The following URB2 variants were observed in gnomAD, a reference collection of about 807,000 sequenced individuals.
URB2 encodes the protein unhealthy ribosome biogenesis protein 2 homolog.
Under a neutral mutation model 120.9 loss-of-function variants are expected in URB2, and 86 were observed. The observed-to-expected ratio is 0.71, with a 90% confidence interval of 0.60 to 0.85. URB2 has a LOEUF of 0.85. URB2 is among the 40% of genes least tolerant of loss of function. The pLI, the probability that URB2 is intolerant of heterozygous loss-of-function variation, is 0.00. For missense variants in URB2, 1,765 were observed against 1,836.5 expected (o/e 0.96, Z 0.71); for synonymous variants, 755 against 758.4 (o/e 1.00, Z 0.07).
At chr1:229,652,339 C>T (rs1004076838) in intron 8 of URB2, among the ~76,000 whole-genome samples, 3 of 152,174 alleles carry the variant, frequency 2.0e-5, no homozygotes, top group Middle Eastern at 3.2e-3. Flanking sequence ...TAACTCAACT[C>T]GGGGTGTCAG....
In URB2 at chr1:229,634,998, A is replaced by G; in HGVS notation, c.385A>G (p.Ile129Val). Residue 129 changes from isoleucine to valine, a missense_variant, in exon 4 of 10, where the codon ATC becomes GTC. Ile to Val is a conservative substitution (Grantham distance 29). Transcript: ENST00000258243. ...TGCTGTCCTTCGATGTTGCCAGGGC[A>G]TCCTGTCGACACCTGCCCTGGCTGT... ...ICAVLRCCQG[I>V]LSTPALAVIY... 1 of 1,609,140 alleles carries G rather than the reference A, an allele frequency of 6.2e-7. No individual in the cohort carries two copies. Among genetic ancestry groups the G allele is most frequent in the Non-Finnish European group, 8.5e-7 (1 of 1,176,726 alleles).
intron 1 of URB2, among the ~76,000 whole-genome samples, chr1:229,627,286 A>G (rs1282945876): frequency 6.6e-6 from 1 of 152,216 alleles, no homozygotes; most frequent in Admixed American, 6.5e-5. Context: ...GACTCTTTCC[A>G]CAAGTAATGT....
At chr1:229,643,475 A>C (rs1666061050) in intron 4 of URB2, 58 bp from the exon 5 acceptor site, 1 of 1,598,314 alleles carries the variant, frequency 6.3e-7, no homozygotes, top group East Asian at 2.2e-5. Flanking sequence ...TCCTATGGCT[A>C]CTTGGTAGTT....
rs970619337 is a variant in URB2 at position 229,635,930 on chromosome 1, G to C, written c.1317G>C (p.Glu439Asp). 1 of 1,614,216 alleles carries C rather than the reference G, an allele frequency of 6.2e-7. No individual in the cohort carries two copies. The highest frequency in any genetic ancestry group is 1.3e-5 in the African/African-American group (1 of 75,064). ...TGGCTTCAGCGTGGATCGATGCCGA[G>C]GTAACAGAGTTTCGAACCAAAAAAG... ...DLLASAWIDA[E>D]VTEFRTKKAQ... is the part of the protein sequence containing the mutation. The change falls in exon 4 of 10, where the codon GAG (glutamate) becomes GAC (aspartate). Residue 439 changes from glutamate (E) to aspartate (D), a missense_variant. Physicochemically the swap from Glu to Asp is conservative, Grantham distance 45. Coordinates refer to ENST00000258243, the MANE Select transcript of URB2 (RefSeq NM_014777.4).
rs1261975052 is a variant in URB2 at position 229,659,781 on chromosome 1, T to G, written c.*484T>G. On this transcript the variant is annotated 3_prime_UTR_variant, in exon 10 of 10. Coordinates refer to ENST00000258243, the MANE Select transcript of URB2 (RefSeq NM_014777.4). ...TTTTCTGCCTTCCCTCTAAGTATGCTTTCTGAAGAAGTCAGGGAAAGTTAG... is the reference window on the plus strand; with the variant it reads ...TTTTCTGCCTTCCCTCTAAGTATGCGTTCTGAAGAAGTCAGGGAAAGTTAG... 1.9e-5 allele frequency: 3 copies of G among 153,940 alleles called. No homozygotes were observed. Among genetic ancestry groups the G allele is most frequent in the Non-Finnish European group, 4.3e-5 (3 of 69,128 alleles). 9.5% of individuals were successfully genotyped at this position (153,940 alleles called of 1,614,324 possible). A position where few individuals can be genotyped will look rare whatever the true frequency, so the allele number is the denominator to read the frequency against.
Position 229,654,293 on chromosome 1 carries a change from G to T in URB2, c.4282G>T (p.Val1428Phe). 1 of 1,614,174 alleles carries T rather than the reference G, an allele frequency of 6.2e-7. No homozygotes were observed. The highest frequency in any genetic ancestry group is 1.1e-5 in the South Asian group (1 of 91,080). The change falls in exon 9 of 10, where the codon GTT becomes TTT. Residue 1428 changes from valine (V) to phenylalanine (F), a missense_variant. By Grantham distance (50) the Val-to-Phe change is conservative. Coordinates refer to ENST00000258243, the MANE Select transcript of URB2 (RefSeq NM_014777.4). ...TACGGTCCTAAAGTGTGCACGCCTG[G>T]TTGAAAGAATGTACAGCCACATCGC... is the stretch of plus-strand genomic sequence containing the variant. ...LPTVLKCARL[V>F]ERMYSHIAAR... is the part of the protein sequence containing the mutation.
chr1:229,656,176 T>G (rs1191602901), intron 9 of URB2, among the ~76,000 whole-genome samples: 3 of 152,206 alleles, frequency 2.0e-5, no homozygotes, highest in Non-Finnish European at 4.4e-5. Context: ...TCTTAGTATT[T>G]CCCAAGCACA....
intron 5 of URB2, 132 bp downstream of exon 5, chr1:229,643,825 G>A (rs1666071022): frequency 3.9e-6 from 5 of 1,268,624 alleles, no homozygotes; most frequent in Non-Finnish European, 3.2e-6. Context: ...AGGCAAAGGG[G>A]GAGGCTGTGA....
rs1666127198 is a variant in URB2 at position 229,645,752 on chromosome 1, A to G, written c.3796-107A>G. 9.5e-6 allele frequency: 9 copies of G among 950,142 alleles called. No individual in the cohort carries two copies. In the South Asian group the frequency reaches 1.0e-4, roughly 11 times the overall value. 58.9% of individuals were successfully genotyped at this position (950,142 alleles called of 1,614,324 possible). On this transcript the variant is annotated intron_variant, in intron 5 of 9. Transcript: ENST00000258243. The stretch of plus-strand genomic sequence containing the variant: ...CACCTCCCCTGACACCAGGGCTCTC[A>G]ATCCACTCCAACGCCACAGCCCCAG...
At position 229,642,196 on chromosome 1, in the gene URB2, A is replaced by G. The variant is rs543451986; in HGVS notation, c.3635-1337A>G. Among the ~76,000 whole-genome samples the G allele has an allele frequency of 2.6e-5, 4 of 152,324 alleles. No homozygotes were observed. In the East Asian group the frequency reaches 7.7e-4, roughly 29 times the overall value. ...CGATGGGACTCGGTGGAGAGGCCAC[A>G]TACAGGCCACGTGTGAGTGGCCCTT... On this transcript the variant is annotated intron_variant, in intron 4 of 9. Transcript: ENST00000258243.
Position 229,634,062 on chromosome 1 carries a change from C to T in URB2, c.304-855C>T, listed in dbSNP as rs191023983. Among the ~76,000 whole-genome samples, 279 of 152,194 alleles carry T rather than the reference C, an allele frequency of 1.8e-3. 1 individual carries two copies. Among genetic ancestry groups the T allele is most frequent in the African/African-American group, 6.0e-3 (250 of 41,516 alleles). On this transcript the variant is annotated intron_variant, in intron 3 of 9. Coordinates refer to ENST00000258243, the MANE Select transcript of URB2 (RefSeq NM_014777.4). ...GACCAGGCTGTTCTCGAACGCCTGG[C>T]CTCAAGTGATCCGCCCCGACTCAGC...
chr1:229,649,322 AG>A (rs1339853042), intron 7 of URB2, among the ~76,000 whole-genome samples: 1 of 152,222 alleles, frequency 6.6e-6, no homozygotes, highest in Non-Finnish European at 1.5e-5. Context: ...TTATCTTGTC[AG>A]CATCTTTGTT....
intron 4 of URB2, among the ~76,000 whole-genome samples, chr1:229,642,963 G>A (rs1281157704): frequency 2.0e-5 from 3 of 152,136 alleles, no homozygotes; most frequent in Admixed American, 6.5e-5. Context: ...CGATTACCAC[G>A]TATTTTGTGT....
intron 2 of URB2, among the ~76,000 whole-genome samples, chr1:229,631,336 G>C (rs1665662122): frequency 6.6e-6 from 1 of 152,194 alleles, no homozygotes; most frequent in Non-Finnish European, 1.5e-5. Context: ...CTCCATATCA[G>C]CAATAGGCGG....
At chr1:229,640,716 C>T (rs970379026) in intron 4 of URB2, among the ~76,000 whole-genome samples, 5 of 152,162 alleles carry the variant, frequency 3.3e-5, no homozygotes, top group African/African-American at 4.8e-5. Context: ...GGCCAAATCA[C>T]GCTGCTGTTG....
intron 5 of URB2, among the ~76,000 whole-genome samples, chr1:229,643,949 T>G (rs1041338267): frequency 2.6e-5 from 4 of 152,268 alleles, no homozygotes; most frequent in African/African-American, 9.6e-5. Context: ...AAATACTAAG[T>G]GTTACACATT....
chr1:229,638,794 C>T lies in URB2; in HGVS notation c.3634+547C>T, dbSNP rs868399495. ...TCCTTGCTTTCTGTGCAAACAGCAG[C>T]CTCCTCCGTATGTTGCTCTGCACCT... On this transcript the variant is annotated intron_variant, in intron 4 of 9. Transcript: ENST00000258243. 1.1e-4 allele frequency among the ~76,000 whole-genome samples: 16 copies of T among 152,306 alleles called. No individual in the cohort carries two copies. In the Middle Eastern group the frequency reaches 0.014, roughly 130 times the overall value.
In URB2 at chr1:229,635,245, T is replaced by C. The variant is rs1343741061; in HGVS notation, c.632T>C (p.Leu211Ser). 12 of 1,614,224 alleles carry C rather than the reference T, an allele frequency of 7.4e-6. No homozygotes were observed. The highest frequency in any genetic ancestry group is 9.3e-6 in the Non-Finnish European group (11 of 1,180,034). ...CAGCCGTGCCTGGTCCTGAGGCACT[T>C]ACTCTCTGGGGGCACATGGACGCAG... ...LLQPCLVLRH[L>S]LSGGTWTQAG... Residue 211 changes from leucine to serine, a missense_variant, in exon 4 of 10, where the codon TTA becomes TCA. Transcript: ENST00000258243.
intron 9 of URB2, among the ~76,000 whole-genome samples, chr1:229,655,544 T>G (rs1237157964): frequency 6.6e-6 from 1 of 152,220 alleles, no homozygotes; most frequent in Non-Finnish European, 1.5e-5. Context: ...ATTCAACAGT[T>G]ATCTTACTTT....
Sources: gnomAD v4.1 joint callset for allele counts (sites outside exome capture counted in the v4.1 genomes callset) on GRCh38, gnomAD v4.1.1 for gene constraint, MANE v1.5 for transcripts, NCBI Gene and HGNC (gene_info 2026-07-23, HGNC 2026-07-21) for gene names.